The following CPNE4 variants were observed in gnomAD, a reference collection of about 807,000 sequenced individuals.
CPNE4 encodes copine-4.
A neutral mutation model predicts 67.9 loss-of-function variants in CPNE4; 25 were observed. The ratio of observed to expected loss-of-function variants is 0.37; its 90% confidence interval spans 0.27 to 0.51. The LOEUF is 0.51. CPNE4 is among the 20% of genes least tolerant of loss of function. The probability of loss-of-function intolerance (pLI) is 0.93; values close to 1 mark genes in which losing one functional copy is unlikely to be tolerated. For missense variants in CPNE4, 464 were observed against 690.8 expected (o/e 0.67, Z 3.68); for synonymous variants, 242 against 244.9 (o/e 0.99, Z 0.11).
intron 12 of CPNE4, 68 bp from the exon 13 acceptor site, chr3:131,552,559 C>A: frequency 1.5e-6 from 2 of 1,325,448 alleles, no homozygotes; most frequent in South Asian, 1.2e-5. Flanking sequence ...AGTAAGAAGG[C>A]ACTGGGGTTT....
chr3:131,567,207 G>A (rs1196656327), intron 10 of CPNE4, among the ~76,000 whole-genome samples: 3 of 151,880 alleles, frequency 2.0e-5, no homozygotes, highest in Admixed American at 6.6e-5. Context: ...GGGTTATATA[G>A]GCCAGAGGAA....
intron 1 of CPNE4, among the ~76,000 whole-genome samples, chr3:131,987,545 C>T (rs1221792753): frequency 6.6e-6 from 1 of 151,940 alleles, no homozygotes; most frequent in Non-Finnish European, 1.5e-5. Context: ...CACCACCACA[C>T]CCAGCTAATT....
chr3:131,868,636 T>G (rs1257798115), intron 2 of CPNE4, among the ~76,000 whole-genome samples: 1 of 152,182 alleles, frequency 6.6e-6, no homozygotes. Flanking sequence ...ATTTTACAGA[T>G]TTAATAATTT....
intron 2 of CPNE4, among the ~76,000 whole-genome samples, chr3:131,751,623 C>G (rs1221623372): frequency 3.3e-5 from 5 of 152,124 alleles, no homozygotes; most frequent in African/African-American, 1.2e-4. Flanking sequence ...TTTAACATCT[C>G]TGTCATCTTA....
At chr3:131,670,034 A>T (rs2080369399) in intron 6 of CPNE4, among the ~76,000 whole-genome samples, 1 of 152,192 alleles carries the variant, frequency 6.6e-6, no homozygotes, top group African/African-American at 2.4e-5. Flanking sequence ...GCTGAGAATG[A>T]TCCCTTCTAT....
intron 3 of CPNE4, among the ~76,000 whole-genome samples, chr3:131,710,474 G>A (rs2081530350): frequency 6.6e-6 from 1 of 152,144 alleles, no homozygotes; most frequent in African/African-American, 2.4e-5. Context: ...ACAGCATATG[G>A]GAAGAACTGC....
At chr3:131,968,099 C>T (rs1355352817) in intron 1 of CPNE4, among the ~76,000 whole-genome samples, 1 of 152,116 alleles carries the variant, frequency 6.6e-6, no homozygotes, top group Non-Finnish European at 1.5e-5. Context: ...CAAAAACAAG[C>T]AATGGGCAAA....
At chr3:131,680,162 AC>A (rs2080704507) in intron 6 of CPNE4, among the ~76,000 whole-genome samples, 1 of 151,914 alleles carries the variant, frequency 6.6e-6, no homozygotes, top group Non-Finnish European at 1.5e-5. Flanking sequence ...CTGAATTAAA[AC>A]TTTTACCATT....
chr3:131,893,774 A>T (rs2107747356), intron 2 of CPNE4, among the ~76,000 whole-genome samples: 1 of 152,100 alleles, frequency 6.6e-6, no homozygotes. Context: ...ACATAAAAAA[A>T]TGGAAATGCA....
At chr3:131,835,500 G>A (rs988976485) in intron 2 of CPNE4, among the ~76,000 whole-genome samples, 8 of 151,902 alleles carry the variant, frequency 5.3e-5, no homozygotes, top group Non-Finnish European at 1.2e-4. Context: ...CTGCACTCCA[G>A]CCTGGGCAAC....
intron 7 of CPNE4, among the ~76,000 whole-genome samples, chr3:131,606,603 C>A (rs1445301141): frequency 6.6e-6 from 1 of 152,118 alleles, no homozygotes; most frequent in Non-Finnish European, 1.5e-5. Flanking sequence ...ATTACTTGGG[C>A]TGAATGTCTA....
intron 2 of CPNE4, among the ~76,000 whole-genome samples, chr3:131,893,401 A>G (rs977377064): frequency 3.9e-5 from 6 of 152,066 alleles, no homozygotes; most frequent in Non-Finnish European, 7.4e-5. Flanking sequence ...CCAACTTTCA[A>G]TAATGTACAG....
intron 2 of CPNE4, among the ~76,000 whole-genome samples, chr3:131,886,604 A>G (rs2087904142): frequency 6.6e-6 from 1 of 152,228 alleles, no homozygotes; most frequent in African/African-American, 2.4e-5. Context: ...ACTCAGTGCC[A>G]GCCTGTGAAA....
chr3:132,026,110 T>A (rs958659924), intron 1 of CPNE4, among the ~76,000 whole-genome samples: 1 of 152,242 alleles, frequency 6.6e-6, no homozygotes, highest in Non-Finnish European at 1.5e-5. Flanking sequence ...ATAATAAGAA[T>A]ATTTTTAATA....
upstream of CPNE4, among the ~76,000 whole-genome samples, chr3:132,036,050 T>TC (rs920339710): frequency 2.0e-5 from 3 of 152,206 alleles, no homozygotes; most frequent in African/African-American, 7.2e-5. Context: ...GAAGACCCCC[T>TC]CTTAATTGTT....
chr3:131,679,467 T>C (rs998900283), intron 6 of CPNE4, among the ~76,000 whole-genome samples: 3 of 152,194 alleles, frequency 2.0e-5, no homozygotes. Flanking sequence ...TGTCTTCTGC[T>C]AGCTTTGGGA....
At chr3:131,640,365 G>A (rs1480661755) in intron 7 of CPNE4, among the ~76,000 whole-genome samples, 1 of 151,998 alleles carries the variant, frequency 6.6e-6, no homozygotes, top group African/African-American at 2.4e-5. Flanking sequence ...TACACCAGCA[G>A]TGACCAAGCT....
intron 2 of CPNE4, among the ~76,000 whole-genome samples, chr3:131,838,069 G>T (rs547831444): frequency 6.6e-6 from 1 of 151,646 alleles, no homozygotes; most frequent in Non-Finnish European, 1.5e-5. Context: ...TCAGCTTTAG[G>T]CAACTTTCTG....
At chr3:131,549,039 G>T (rs1465485603) in intron 14 of CPNE4, among the ~76,000 whole-genome samples, 1 of 152,072 alleles carries the variant, frequency 6.6e-6, no homozygotes, top group Admixed American at 6.6e-5. Flanking sequence ...AAGTAGAAAA[G>T]AAAACAATAG....
Sources: allele counts gnomAD v4.1 joint callset (sites outside exome capture counted in the v4.1 genomes callset), GRCh38; gene constraint gnomAD v4.1.1; transcripts MANE v1.5; gene names NCBI Gene and HGNC (gene_info 2026-07-23, HGNC 2026-07-21).